DAB1: variants seen among roughly 807,000 people sequenced by gnomAD.
DAB1 encodes DAB adaptor protein 1, also known as disabled homolog 1.
A neutral mutation model predicts 64.6 loss-of-function variants in DAB1; 15 were observed. The observed-to-expected ratio is 0.23, with a 90% CI of 0.16 to 0.36. DAB1 has a LOEUF of 0.36. Ranked by LOEUF, DAB1 falls within the 10% of genes least tolerant of loss-of-function variation. DAB1 has a pLI of 1.00. For synonymous variants in DAB1, 235 were observed against 251.9 expected, an observed-to-expected ratio of 0.93 and a Z score of 0.64; for missense variants, 596 against 706.7, an observed-to-expected ratio of 0.84 and a Z score of 1.78.
At chr1:57,682,924 T>A (rs1646653392) in intron 6 of DAB1, among the ~76,000 whole-genome samples, 1 of 152,130 alleles carries the variant, frequency 6.6e-6, no homozygotes, top group African/African-American at 2.4e-5. Flanking sequence ...CAGGGCCCTG[T>A]CTAGCTTCCC....
At chr1:57,861,263 A>G (rs1422792901) in intron 1 of DAB1, among the ~76,000 whole-genome samples, 1 of 152,190 alleles carries the variant, frequency 6.6e-6, no homozygotes, top group African/African-American at 2.4e-5. Context: ...ATAACAAAGT[A>G]CCATAAACTG....
intron 5 of DAB1, among the ~76,000 whole-genome samples, chr1:58,101,442 C>A (rs1158063350): frequency 1.3e-5 from 2 of 152,158 alleles, no homozygotes; most frequent in Non-Finnish European, 2.9e-5. Context: ...GTGAACAGTT[C>A]AGGCCAGAGA....
At chr1:57,395,117 G>A (rs965075727) in intron 1 of DAB1, among the ~76,000 whole-genome samples, 16 of 152,026 alleles carry the variant, frequency 1.1e-4, no homozygotes, top group South Asian at 2.1e-4. Context: ...CTCCACCTCC[G>A]GGTTTCAGGC....
chr1:57,715,835 A>G (rs555008550), intron 6 of DAB1, among the ~76,000 whole-genome samples: 13 of 152,352 alleles, frequency 8.5e-5, no homozygotes, highest in African/African-American at 3.1e-4. Flanking sequence ...GGGAAAATTA[A>G]TATTGTTAAC....
At chr1:57,142,157 CACTCAT>C (rs1658641500) in intron 3 of DAB1, among the ~76,000 whole-genome samples, 1 of 152,052 alleles carries the variant, frequency 6.6e-6, no homozygotes, top group Non-Finnish European at 1.5e-5. Context: ...GGCAATGGGT[CACTCAT>C]ACTCATTATA....
At chr1:57,978,402 T>C (rs146596934) in intron 5 of DAB1, among the ~76,000 whole-genome samples, 1,652 of 152,220 alleles carry the variant, frequency 0.011, 29 homozygotes, top group African/African-American at 0.038. Context: ...TTACACCTTA[T>C]ATAAAAATCA....
At chr1:57,606,662 A>ATATATATGAAATATAT (rs1645654130) in intron 7 of DAB1, among the ~76,000 whole-genome samples, 2 of 106,888 alleles carry the variant, frequency 1.9e-5, no homozygotes, top group East Asian at 5.2e-4. Context: ...TATGTATGAA[A>ATATATATGAAATATAT]TATATATGAA....
intron 3 of DAB1, among the ~76,000 whole-genome samples, chr1:58,370,610 C>T (rs1644257356): frequency 6.6e-6 from 1 of 152,118 alleles, no homozygotes; most frequent in African/African-American, 2.4e-5. Flanking sequence ...AACACACTGA[C>T]ATGGTTTGGC....
At chr1:57,288,150 T>G (rs1672481174) in intron 2 of DAB1, among the ~76,000 whole-genome samples, 1 of 152,188 alleles carries the variant, frequency 6.6e-6, no homozygotes. Flanking sequence ...GTATAGAGAA[T>G]AATAATTGTT....
intron 5 of DAB1, among the ~76,000 whole-genome samples, chr1:58,002,256 G>A (rs776023258): frequency 3.9e-5 from 6 of 152,164 alleles, no homozygotes; most frequent in Non-Finnish European, 7.3e-5. Context: ...CCCTCTGTTT[G>A]GTTAGTCTGT....
intron 6 of DAB1, among the ~76,000 whole-genome samples, chr1:57,709,991 TAGAAA>T (rs1371624617): frequency 1.3e-5 from 2 of 152,136 alleles, no homozygotes; most frequent in Non-Finnish European, 2.9e-5. Flanking sequence ...TGCTCTTTGT[TAGAAA>T]AGAAATGATT....
intron 5 of DAB1, among the ~76,000 whole-genome samples, chr1:57,979,120 T>C (rs989620878): frequency 6.6e-6 from 1 of 152,188 alleles, no homozygotes; most frequent in African/African-American, 2.4e-5. Context: ...ACACATATGT[T>C]TATTGCAGTA....
At chr1:57,931,114 A>T (rs1043826018) in intron 5 of DAB1, among the ~76,000 whole-genome samples, 2 of 152,152 alleles carry the variant, frequency 1.3e-5, no homozygotes, top group African/African-American at 4.8e-5. Flanking sequence ...ATGACCATGT[A>T]ATTTTTCTTC....
chr1:57,599,182 C>CT (rs147293089), intron 7 of DAB1, among the ~76,000 whole-genome samples: 1,509 of 142,104 alleles, frequency 0.011, 17 homozygotes, highest in African/African-American at 0.032. Context: ...TGAGCTTCTT[C>CT]TTTTTTTTTT....
chr1:57,406,440 G>C (rs1002178883), intron 1 of DAB1, among the ~76,000 whole-genome samples: 4 of 152,202 alleles, frequency 2.6e-5, no homozygotes, highest in Non-Finnish European at 5.9e-5. Context: ...GAAAAAGTCT[G>C]TGGCTTTTAT....
intron 7 of DAB1, among the ~76,000 whole-genome samples, chr1:57,529,301 A>C (rs895713596): frequency 6.6e-6 from 1 of 152,108 alleles, no homozygotes; most frequent in Admixed American, 6.6e-5. Context: ...AGGAAGTCCA[A>C]CTTAAAAGGA....
intron 1 of DAB1, among the ~76,000 whole-genome samples, chr1:57,331,964 T>A (rs896297886): frequency 3.3e-5 from 5 of 152,128 alleles, no homozygotes; most frequent in Non-Finnish European, 5.9e-5. Flanking sequence ...TTTTGTTTGC[T>A]TGTTTGTTTG....
chr1:58,302,689 A>G (rs566422886), intron 4 of DAB1, among the ~76,000 whole-genome samples: 1 of 152,154 alleles, frequency 6.6e-6, no homozygotes, highest in East Asian at 1.9e-4. Flanking sequence ...TCATCTGTCA[A>G]GTGAGACTAT....
intron 5 of DAB1, among the ~76,000 whole-genome samples, chr1:58,028,579 T>C (rs1465683457): frequency 1.3e-5 from 2 of 152,180 alleles, no homozygotes; most frequent in East Asian, 1.9e-4. Context: ...TGCTTGTTCA[T>C]AGTAAGAGGG....
Sources: allele counts gnomAD v4.1 joint callset (sites outside exome capture counted in the v4.1 genomes callset), GRCh38; gene constraint gnomAD v4.1.1; transcripts MANE v1.5; gene names NCBI Gene and HGNC (gene_info 2026-07-23, HGNC 2026-07-21).